PREX2: variants seen among roughly 807,000 people sequenced by gnomAD.
PREX2 encodes the protein phosphatidylinositol-3,4,5-trisphosphate dependent Rac exchange factor 2.
A neutral mutation model predicts 203.2 loss-of-function variants in PREX2; 107 were observed. The observed-to-expected ratio is 0.53, with a 90% confidence interval of 0.45 to 0.62. The LOEUF is 0.62. Among genes scored for constraint, PREX2 ranks in the 20% least tolerant of loss-of-function variants. PREX2 has a pLI of 0.00. For missense variants in PREX2, 1,777 were observed against 1,955.9 expected (o/e 0.91, Z 1.72); for synonymous variants, 672 against 663.6 (o/e 1.01, Z -0.19).
At chr8:68,120,387 G>C (rs1810747418) in intron 29 of PREX2, 101 bp downstream of exon 29, 1 of 737,336 alleles carries the variant, frequency 1.4e-6, no homozygotes, top group African/African-American at 1.7e-5. Flanking sequence ...AACAATTCCA[G>C]TTACTCATGT....
intron 34 of PREX2, among the ~76,000 whole-genome samples, chr8:68,155,382 T>C (rs566248936): frequency 6.6e-6 from 1 of 152,178 alleles, no homozygotes; most frequent in Non-Finnish European, 1.5e-5. Flanking sequence ...AAGTATAAAC[T>C]GGTTTTTTAA....
Position 68,109,580 on chromosome 8 carries a change from A to G in PREX2, c.3103A>G (p.Thr1035Ala). The G allele has an allele frequency of 6.2e-7, 1 of 1,614,024 alleles. No individual in the cohort carries two copies. The change falls in exon 25 of 40, where the codon ACT becomes GCT. Residue 1035 changes from threonine to alanine, a missense_variant. By Grantham distance (58) the Thr-to-Ala change is moderately conservative. Coordinates refer to ENST00000288368, the MANE Select transcript of PREX2 (RefSeq NM_024870.4). ...TCAGAAACTGCTGGGCAAACTTCAG[A>G]CTGCACTGAAAGAGGTGGAGATGTG... ...IYQKLLGKLQ[T>A]ALKEVEMCVC...
chr8:68,170,189 A>G (rs946711053), intron 35 of PREX2, among the ~76,000 whole-genome samples: 1 of 152,302 alleles, frequency 6.6e-6, no homozygotes, highest in Non-Finnish European at 1.5e-5. Flanking sequence ...CACATTGAGT[A>G]GAAGGGTGTG....
At chr8:68,100,101 T>C (rs769180290) in intron 23 of PREX2, 2 of 591,742 alleles carry the variant, frequency 3.4e-6, no homozygotes, top group South Asian at 2.8e-5. Context: ...TAAATTATTT[T>C]CTAGTAAAAG....
intron 38 of PREX2, chr8:68,223,251 C>T (rs7001824): frequency 0.32 from 48,091 of 152,048 alleles, 8,035 homozygotes; most frequent in South Asian, 0.46. Context: ...TCTGTATTTT[C>T]CTCTAACTGT....
chr8:68,220,085 A>G (rs777392953), intron 38 of PREX2: 5 of 151,800 alleles, frequency 3.3e-5, no homozygotes, highest in Non-Finnish European at 5.9e-5. Flanking sequence ...TAATGAAAAA[A>G]CTAAGATTTT....
chr8:67,983,939 T>A (rs763008719), intron 1 of PREX2, among the ~76,000 whole-genome samples: 1 of 151,660 alleles, frequency 6.6e-6, no homozygotes, highest in Non-Finnish European at 1.5e-5. Flanking sequence ...CTGTAAAGAG[T>A]GTAGGACAGT....
chr8:68,211,821 G>A (rs1327427313), intron 37 of PREX2, among the ~76,000 whole-genome samples: 2 of 152,158 alleles, frequency 1.3e-5, no homozygotes, highest in Non-Finnish European at 2.9e-5. Context: ...GAGTAAGTAG[G>A]ATACTGGGAC....
chr8:68,014,380 T>C (rs1045744080), intron 1 of PREX2, among the ~76,000 whole-genome samples: 1 of 152,034 alleles, frequency 6.6e-6, no homozygotes, highest in Non-Finnish European at 1.5e-5. Context: ...GTGGAGCCAT[T>C]GTTAGGGGAA....
chr8:68,023,081 G>A (rs1367448479), intron 4 of PREX2, among the ~76,000 whole-genome samples: 3 of 152,078 alleles, frequency 2.0e-5, no homozygotes, highest in South Asian at 2.1e-4. Flanking sequence ...AAATAATGCT[G>A]TTATCAGCAT....
intron 10 of PREX2, among the ~76,000 whole-genome samples, chr8:68,056,560 G>C (rs1808685333): frequency 6.6e-6 from 1 of 152,096 alleles, no homozygotes; most frequent in Non-Finnish European, 1.5e-5. Flanking sequence ...GGGATTCCCT[G>C]GCTGGTTTAA....
chr8:68,034,967 A>G (rs1179672006), intron 6 of PREX2, among the ~76,000 whole-genome samples: 1 of 152,186 alleles, frequency 6.6e-6, no homozygotes, highest in Non-Finnish European at 1.5e-5. Context: ...AAGACCACTG[A>G]AAATGAATCC....
intron 35 of PREX2, among the ~76,000 whole-genome samples, chr8:68,174,377 A>G (rs1418726664): frequency 2.0e-5 from 3 of 152,136 alleles, no homozygotes; most frequent in African/African-American, 7.2e-5. Flanking sequence ...ACCTCCCCCC[A>G]ACACCAAACT....
chr8:68,109,946 C>T (rs767488256), intron 25 of PREX2, among the ~76,000 whole-genome samples: 2 of 152,056 alleles, frequency 1.3e-5, no homozygotes, highest in African/African-American at 4.8e-5. Flanking sequence ...ATGAGGATTT[C>T]CTTGTATTCT....
Position 68,146,213 on chromosome 8 carries a change from T to A in PREX2, c.4092T>A (p.Val1364=). The change falls in exon 34 of 40, where the codon GTT becomes GTA. Residue 1364 remains valine, a synonymous_variant. Transcript: ENST00000288368. ...PSEEEPLVAN[V]PLTYQAEGSR... ...TACTATTAAATATCATTTTAGATGT[T>A]CCTCTTACATATCAAGCAGAAGGAA... is the stretch of plus-strand genomic sequence containing the variant. The A allele has an allele frequency of 6.2e-7, 1 of 1,603,060 alleles. No homozygotes were observed. The highest frequency in any genetic ancestry group is 1.3e-5 in the African/African-American group (1 of 74,594).
chr8:68,119,548 C>T, intron 28 of PREX2, 34 bp downstream of exon 28: 3 of 1,494,602 alleles, frequency 2.0e-6, no homozygotes, highest in Non-Finnish European at 2.8e-6. Flanking sequence ...TTTTGTTCCA[C>T]AACTAAACTG....
At chr8:68,160,608 G>A (rs1008138297) in intron 35 of PREX2, among the ~76,000 whole-genome samples, 1 of 152,010 alleles carries the variant, frequency 6.6e-6, no homozygotes, top group African/African-American at 2.4e-5. Context: ...GGGTTACTTT[G>A]GGAAACACAG....
rs549262179 is a variant in PREX2, at chr8:68,095,652, A to T, written c.2369-1365A>T. On this transcript the variant is annotated intron_variant, in intron 21 of 39. Transcript: ENST00000288368. ...CTTTCCTTTCCATTTTTTTTTTTTC[A>T]GAGTCTTTCTTTGTCACCCAGGCTA... 2.7e-4 allele frequency among the ~76,000 whole-genome samples: 27 copies of T among 101,572 alleles called. No individual in the cohort carries two copies. In the South Asian group the frequency reaches 7.6e-3, roughly 28 times the overall value. The allele number at this position is 101,572 out of a possible 152,430, so 66.6% of individuals were successfully genotyped here. A position where few individuals can be genotyped will look rare whatever the true frequency, so the allele number is the denominator to read the frequency against.
In PREX2 at chr8:68,201,606, C is replaced by G. The variant is rs114537804; in HGVS notation, c.4604+9081C>G. 1.1e-3 allele frequency among the ~76,000 whole-genome samples: 162 copies of G among 152,252 alleles called. 1 individual carries two copies. The highest frequency in any genetic ancestry group is 3.6e-3 in the African/African-American group (151 of 41,540). On this transcript the variant is annotated intron_variant, in intron 37 of 39. Transcript: ENST00000288368. ...TTATTTATTCTGGCTGTGCTGGCAG[C>G]TGATTGGATGGGGCCCACCCATATT...
Sources: allele counts gnomAD v4.1 joint callset (sites outside exome capture counted in the v4.1 genomes callset), GRCh38; gene constraint gnomAD v4.1.1; transcripts MANE v1.5; gene names NCBI Gene and HGNC (gene_info 2026-07-23, HGNC 2026-07-21).